Variants in OSTF1 observed in about 807,000 individuals in gnomAD.
OSTF1 encodes osteoclast-stimulating factor 1.
In OSTF1, 27 loss-of-function variants were observed where a neutral mutation model predicts 37.2. The ratio of observed to expected loss-of-function variants is 0.73; its 90% confidence interval spans 0.54 to 1.00. The LOEUF is 1.00. OSTF1 is among the 50% of genes least tolerant of loss of function. The pLI is 0.00. For synonymous variants in OSTF1, 82 were observed against 89.2 expected (o/e 0.92, Z 0.46); for missense variants, 232 against 253.8 (o/e 0.91, Z 0.58).
intron 1 of OSTF1, among the ~76,000 whole-genome samples, chr9:75,095,784 G>C (rs1476785763): frequency 1.3e-5 from 2 of 152,172 alleles, no homozygotes; most frequent in African/African-American, 4.8e-5. Context: ...TTGCTTATCT[G>C]TTTCTCAGTG....
intron 9 of OSTF1, among the ~76,000 whole-genome samples, chr9:75,144,919 C>T (rs1825996290): frequency 6.6e-6 from 1 of 152,132 alleles, no homozygotes; most frequent in South Asian, 2.1e-4. Flanking sequence ...TCCCTCTCTT[C>T]TTCCCCCTTT....
At chr9:75,139,365 C>CA (rs1030030452) in intron 8 of OSTF1, among the ~76,000 whole-genome samples, 4 of 151,066 alleles carry the variant, frequency 2.6e-5, no homozygotes, top group East Asian at 1.9e-4. Flanking sequence ...GAAGTGGTTG[C>CA]AAAAAAAATA....
intron 8 of OSTF1, 94 bp from the exon 9 acceptor site, chr9:75,140,740 A>G: frequency 1.3e-6 from 1 of 763,904 alleles, no homozygotes; most frequent in Non-Finnish European, 2.2e-6. Flanking sequence ...TCACTAGTTT[A>G]TTTTGCCAAA....
chr9:75,124,775 C>G (rs1825636070), intron 2 of OSTF1, among the ~76,000 whole-genome samples: 1 of 150,826 alleles, frequency 6.6e-6, no homozygotes. Context: ...TTGTTTGGTA[C>G]TTTTTCATAA....
intron 1 of OSTF1, among the ~76,000 whole-genome samples, chr9:75,089,657 A>C (rs957107335): frequency 3.9e-5 from 6 of 152,240 alleles, no homozygotes; most frequent in African/African-American, 1.4e-4. Flanking sequence ...AGGGAAATAC[A>C]GGAAATGGAA....
chr9:75,098,187 C>G (rs1299680573), intron 1 of OSTF1, among the ~76,000 whole-genome samples: 1 of 152,160 alleles, frequency 6.6e-6, no homozygotes, highest in East Asian at 1.9e-4. Flanking sequence ...TCCTAGACTC[C>G]TGGGCCATTT....
chr9:75,123,505 A>G (rs1309513778), intron 2 of OSTF1, among the ~76,000 whole-genome samples: 1 of 152,244 alleles, frequency 6.6e-6, no homozygotes, highest in African/African-American at 2.4e-5. Context: ...TTGTTTTCCC[A>G]TTTCTGTTCC....
chr9:75,088,587 G>T lies in OSTF1; in HGVS notation c.-106G>T. On this transcript the variant is annotated 5_prime_UTR_variant, in exon 1 of 10. Coordinates refer to ENST00000346234, the MANE Select transcript of OSTF1 (RefSeq NM_012383.5). ...TGGGCGCCGGTCCTAGGAGGCGCACGGTTGTAAGCCAGACAAAAAGAACTG... is the reference window on the plus strand; with the variant it reads ...TGGGCGCCGGTCCTAGGAGGCGCACTGTTGTAAGCCAGACAAAAAGAACTG... The T allele has an allele frequency of 8.1e-7, 1 of 1,240,272 alleles. No individual in the cohort carries two copies. The highest frequency in any genetic ancestry group is 1.2e-6 in the Non-Finnish European group (1 of 864,542). The allele number at this position is 1,240,272 out of a possible 1,614,324, so 76.8% of individuals were successfully genotyped here. A position where few individuals can be genotyped will look rare whatever the true frequency, so the allele number is the denominator to read the frequency against.
chr9:75,103,778 A>C (rs1317142619), intron 1 of OSTF1, among the ~76,000 whole-genome samples: 2 of 152,142 alleles, frequency 1.3e-5, no homozygotes, highest in Non-Finnish European at 2.9e-5. Flanking sequence ...GGACCCACAG[A>C]CATACACCAC....
chr9:75,094,375 T>G (rs1825035238), intron 1 of OSTF1, among the ~76,000 whole-genome samples: 1 of 151,944 alleles, frequency 6.6e-6, no homozygotes, highest in African/African-American at 2.4e-5. Context: ...AAGGTGGGTT[T>G]TTTTTTTTTT....
chr9:75,103,202 A>T (rs1007393419), intron 1 of OSTF1, among the ~76,000 whole-genome samples: 4 of 152,196 alleles, frequency 2.6e-5, no homozygotes, highest in Non-Finnish European at 5.9e-5. Flanking sequence ...TTGAGGCAGG[A>T]GGTTTAGGAG....
intron 2 of OSTF1, among the ~76,000 whole-genome samples, chr9:75,125,599 A>G (rs922703575): frequency 6.6e-6 from 1 of 152,354 alleles, no homozygotes; most frequent in Middle Eastern, 3.4e-3. Context: ...AAAGCAATAT[A>G]TATTTCAGAA....
intron 8 of OSTF1, among the ~76,000 whole-genome samples, chr9:75,139,634 G>A (rs779369551): frequency 6.6e-6 from 1 of 152,136 alleles, no homozygotes; most frequent in African/African-American, 2.4e-5. Flanking sequence ...TGTTGGTCAG[G>A]CTGGTCTTGA....
intron 1 of OSTF1, among the ~76,000 whole-genome samples, chr9:75,109,227 T>C (rs566496523): frequency 6.6e-6 from 1 of 152,102 alleles, no homozygotes; most frequent in Admixed American, 6.5e-5. Context: ...CGGCCAGCTG[T>C]TCTCCAACTC....
chr9:75,113,454 C>A lies in OSTF1; in HGVS notation c.35-4050C>A, dbSNP rs1361356418. 3.4e-5 allele frequency among the ~76,000 whole-genome samples: 5 copies of A among 145,914 alleles called. No homozygotes were observed. The East Asian group carries it at 1.0e-3, about 30-fold the overall frequency. On this transcript the variant is annotated intron_variant, in intron 1 of 9. Transcript: ENST00000346234. Reference sequence around the variant, plus strand: ...GCAATATTCTTTTTTTTTTTTCTGTCTCTTTTTTTTTTGATACAGAGTCTT... The same window carrying A: ...GCAATATTCTTTTTTTTTTTTCTGTATCTTTTTTTTTTGATACAGAGTCTT...
At position 75,088,601 on chromosome 9, in the gene OSTF1, C is replaced by G; in HGVS notation, c.-92C>G. 1.4e-6 allele frequency: 2 copies of G among 1,386,156 alleles called. No individual in the cohort carries two copies. The highest frequency in any genetic ancestry group is 2.0e-6 in the Non-Finnish European group (2 of 994,604). 85.9% of individuals were successfully genotyped at this position (1,386,156 alleles called of 1,614,324 possible). On this transcript the variant is annotated 5_prime_UTR_variant, in exon 1 of 10. Coordinates refer to ENST00000346234, the MANE Select transcript of OSTF1 (RefSeq NM_012383.5). Reference sequence around the variant, plus strand: ...AGGAGGCGCACGGTTGTAAGCCAGACAAAAAGAACTGGGGTGCCCGGAGTG... The same window carrying G: ...AGGAGGCGCACGGTTGTAAGCCAGAGAAAAAGAACTGGGGTGCCCGGAGTG...
chr9:75,127,128 G>A (rs1346563340), intron 2 of OSTF1, among the ~76,000 whole-genome samples: 1 of 152,168 alleles, frequency 6.6e-6, no homozygotes, highest in Non-Finnish European at 1.5e-5. Flanking sequence ...TGAGCAGATA[G>A]CAGATGTTGA....
chr9:75,089,268 AACCCTAT>A (rs1029231297), intron 1 of OSTF1, among the ~76,000 whole-genome samples: 19 of 150,016 alleles, frequency 1.3e-4, no homozygotes, highest in Middle Eastern at 3.4e-3. Context: ...TTTAGAAAAA[AACCCTAT>A]ACTCGCGCTC....
At chr9:75,133,502 T>C in intron 6 of OSTF1, 101 bp downstream of exon 6, 1 of 717,420 alleles carries the variant, frequency 1.4e-6, no homozygotes, top group South Asian at 1.7e-5. Context: ...GCATTGGCTA[T>C]TCTTTTTGAA....
Sources: allele counts gnomAD v4.1 joint callset (sites outside exome capture counted in the v4.1 genomes callset), GRCh38; gene constraint gnomAD v4.1.1; transcripts MANE v1.5; gene names NCBI Gene and HGNC (gene_info 2026-07-23, HGNC 2026-07-21).